Variants in MUC6 observed in about 807,000 individuals in gnomAD.
The protein encoded by MUC6 is mucin-6.
MUC6 carries 188 observed loss-of-function variants against 201.5 expected under a neutral mutation model. The ratio of observed to expected loss-of-function variants is 0.93; its 90% CI spans 0.83 to 1.05. The LOEUF is 1.05. Among genes scored for constraint, MUC6 ranks in the 50% least tolerant of loss-of-function variants. The pLI is 0.00. For synonymous variants in MUC6, 1,228 were observed against 1,389.4 expected (o/e 0.88, Z 2.58); for missense variants, 2,706 against 3,256.9 (o/e 0.83, Z 4.12).
Position 1,015,669 on chromosome 11 carries a change from C to T in MUC6, c.7039+93G>A, listed in dbSNP as rs1239854102. ...GAACAGGCGTGTGGTCCTGGGATCACAGGACCATGAGGGGTAAGCTGAGGC... is the reference window on the plus strand; with the variant it reads ...GAACAGGCGTGTGGTCCTGGGATCATAGGACCATGAGGGGTAAGCTGAGGC... On this transcript the variant is annotated intron_variant, in intron 31 of 32. Transcript: ENST00000421673. The T allele has an allele frequency of 9.5e-6, 14 of 1,475,852 alleles. No homozygotes were observed. In the East Asian group the frequency reaches 3.3e-4, roughly 35 times the overall value. The allele number at this position is 1,475,852 out of a possible 1,614,324, so 91.4% of individuals were successfully genotyped here.
Position 1,027,522 on chromosome 11 carries a change from G to A in MUC6, c.1982-5C>T, listed in dbSNP as rs1856992699. The A allele has an allele frequency of 6.2e-7, 1 of 1,611,866 alleles. No individual in the cohort carries two copies. The highest frequency in any genetic ancestry group is 8.5e-7 in the Non-Finnish European group (1 of 1,179,424). On this transcript the variant is annotated splice_region_variant and splice_polypyrimidine_tract_variant and intron_variant, in intron 16 of 32. Transcript: ENST00000421673. ...TGTTACCCGTGCAGGGGATGGCTGT[G>A]GGGGACCCGGGCATCAGACTCTCCG...
At position 1,027,349 on chromosome 11, in the gene MUC6, C is replaced by G; in HGVS notation, c.2150G>C (p.Arg717Pro). Residue 717 changes from arginine (R) to proline (P), a missense_variant, in exon 17 of 33, where the codon CGC (arginine) becomes CCC (proline). By Grantham distance (103) the Arg-to-Pro change is moderately radical (BLOSUM62 -2). Coordinates refer to ENST00000421673, the MANE Select transcript of MUC6 (RefSeq NM_005961.3). ...CAGTATGCACGGGCACTGGGCCTTG[C>G]GCACACACTCGCCCTTTTGGTTCAG... ...TYLNQKGECV[R>P]KAQCPCILEG... 6.2e-7 allele frequency: 1 copy of G among 1,612,972 alleles called. No homozygotes were observed. Among genetic ancestry groups the G allele is most frequent in the South Asian group, 1.1e-5 (1 of 91,080 alleles).
rs928529722 is a variant in MUC6 at position 1,030,262 on chromosome 11, C to T, written c.966G>A (p.Pro322=). Residue 322 remains proline, a synonymous_variant, in exon 8 of 33, where the codon CCG becomes CCA. Transcript: ENST00000421673. ...GSACVKTCSN[P]QHSCSSSCTF... The stretch of plus-strand genomic sequence containing the variant: ...TGCAGGAGCTGGAGCAGCTGTGCTG[C>T]GGGTTGGAGCAGGTCTTCACGCAGG... The T allele has an allele frequency of 9.0e-6, 14 of 1,550,162 alleles. No homozygotes were observed. Among genetic ancestry groups the T allele is most frequent in the Middle Eastern group, 1.8e-4 (1 of 5,712 alleles).
In MUC6 at chr11:1,013,501, C is replaced by T. The variant is rs780898221; in HGVS notation, c.7275G>A (p.Gln2425=). Reference sequence around the variant, plus strand: ...AGCTGCACACGCAGTGGCTGAACACCTGCAGGGTGAGTACGAGCCGCCGGC... The same window carrying T: ...AGCTGCACACGCAGTGGCTGAACACTTGCAGGGTGAGTACGAGCCGCCGGC... ...TPGRRLVLTL[Q]VFSHCVCSSV... The change falls in exon 33 of 33, where the codon CAG becomes CAA. Residue 2425 remains glutamine, a synonymous_variant. Transcript: ENST00000421673. The T allele has an allele frequency of 1.9e-6, 3 of 1,583,966 alleles. No individual in the cohort carries two copies. Among genetic ancestry groups the T allele is most frequent in the South Asian group, 2.3e-5 (2 of 86,598 alleles).
chr11:1,024,857 G>T lies in MUC6; in HGVS notation c.3212C>A (p.Thr1071Asn), dbSNP rs1039028656. Residue 1071 changes from threonine (T) to asparagine (N), a missense_variant, in exon 24 of 33, where the codon ACC (threonine) becomes AAC (asparagine). Coordinates refer to ENST00000421673, the MANE Select transcript of MUC6 (RefSeq NM_005961.3). ...CSVINSQTFA[T>N]CHSKVYHLPY... ...CCCGGTGCCCACCTTGCTGTGGCAG[G>T]TGGCAAAGGTCTGGCTGTTGATGAC... 6.8e-6 allele frequency: 11 copies of T among 1,609,290 alleles called. No homozygotes were observed. In the African/African-American group the frequency reaches 9.3e-5, roughly 14 times the overall value.
At chr11:1,018,832 G>C (rs1423340761) in intron 30 of MUC6, 62 bp from the exon 31 acceptor site, 2 of 1,514,070 alleles carry the variant, frequency 1.3e-6, no homozygotes, top group East Asian at 4.5e-5. Flanking sequence ...GACCTCCGCT[G>C]GCCCGTCCTT....
At position 1,016,538 on chromosome 11, in the gene MUC6, A is replaced by T; in HGVS notation, c.6263T>A (p.Ile2088Lys). ...CTGAGGCAGCCAAGACGAGGAGGAT[A>T]TGAAGGAAGAAGAGGCTGTAGCTGT... is the stretch of plus-strand genomic sequence containing the variant. ...FSTATASSSF[I>K]SSSSWLPQNS... The change falls in exon 31 of 33, where the codon ATA (isoleucine) becomes AAA (lysine). Residue 2088 changes from isoleucine (I) to lysine (K), a missense_variant. Coordinates refer to ENST00000421673, the MANE Select transcript of MUC6 (RefSeq NM_005961.3). 1 of 1,278,452 alleles carries T rather than the reference A, an allele frequency of 7.8e-7. No homozygotes were observed. The highest frequency in any genetic ancestry group is 1.0e-6 in the Non-Finnish European group (1 of 997,974). The allele number at this position is 1,278,452 out of a possible 1,614,324, so 79.2% of individuals were successfully genotyped here.
chr11:1,015,472 G>A (rs1255728639), intron 31 of MUC6, among the ~76,000 whole-genome samples: 1 of 152,192 alleles, frequency 6.6e-6, no homozygotes, highest in Non-Finnish European at 1.5e-5. Flanking sequence ...GGGAGGCCAG[G>A]AGTGCAGCAG....
intron 2 of MUC6, 98 bp from the exon 3 acceptor site, chr11:1,032,151 G>A: frequency 6.7e-7 from 1 of 1,491,744 alleles, no homozygotes; most frequent in South Asian, 1.3e-5. Flanking sequence ...CCTGGGCCAG[G>A]GTTTTTGAGT....
At position 1,024,120 on chromosome 11, in the gene MUC6, C is replaced by T. The variant is rs1285548827; in HGVS notation, c.3226-17G>A. 1.2e-6 allele frequency: 2 copies of T among 1,607,120 alleles called. No homozygotes were observed. The highest frequency in any genetic ancestry group is 2.7e-5 in the African/African-American group (2 of 74,960). On this transcript the variant is annotated splice_polypyrimidine_tract_variant and intron_variant, in intron 24 of 32. Transcript: ENST00000421673. Reference sequence around the variant, plus strand: ...GTGGTATACCTGCAGGGGTGTGTGCCAGTCAGTGTCTGGCTGCCGGGGGAT... The same window carrying T: ...GTGGTATACCTGCAGGGGTGTGTGCTAGTCAGTGTCTGGCTGCCGGGGGAT...
rs1411362004 is a variant in MUC6 at position 1,023,949 on chromosome 11, C to T, written c.3380G>A (p.Cys1127Tyr). Reference protein sequence around the residue: ...VCVDWRTPAFCPIYCGFYNTH... With the variant: ...VCVDWRTPAFYPIYCGFYNTH... ...CTGTGGGAGGGGTGGTCACTCACGG[C>T]AGAAGGCCGGGGTCCTCCAGTCCAC... is the stretch of plus-strand genomic sequence containing the variant. The change falls in exon 25 of 33, where the codon TGC (cysteine) becomes TAC (tyrosine). Residue 1127 changes from cysteine to tyrosine, a missense_variant and splice_region_variant. By Grantham distance (194) the Cys-to-Tyr change is radical. Transcript: ENST00000421673. 1.9e-6 allele frequency: 3 copies of T among 1,612,054 alleles called. No individual in the cohort carries two copies. The highest frequency in any genetic ancestry group is 1.3e-5 in the African/African-American group (1 of 75,026).
In MUC6 at chr11:1,027,951, C is replaced by T. The variant is rs1471534387; in HGVS notation, c.1848+14G>A. On this transcript the variant is annotated intron_variant, in intron 15 of 32. Coordinates refer to ENST00000421673, the MANE Select transcript of MUC6 (RefSeq NM_005961.3). Reference sequence around the variant, plus strand: ...CTCCCCTGCAGCCCTCCCAAGACGCCCTCGGGCCCTCACCTTGTAGAAGGG... The same window carrying T: ...CTCCCCTGCAGCCCTCCCAAGACGCTCTCGGGCCCTCACCTTGTAGAAGGG... The T allele has an allele frequency of 3.8e-6, 6 of 1,565,932 alleles. No homozygotes were observed. The Admixed American group carries it at 9.4e-5, about 25-fold the overall frequency.
intron 26 of MUC6, 142 bp downstream of exon 26, chr11:1,023,367 A>T: frequency 9.2e-7 from 1 of 1,081,324 alleles, no homozygotes; most frequent in Non-Finnish European, 1.3e-6. Context: ...TGTGTGAATG[A>T]ATGTGTGCAA....
chr11:1,036,547 G>T (rs931263249), intron 1 of MUC6, 57 bp downstream of exon 1: 2 of 1,534,672 alleles, frequency 1.3e-6, no homozygotes, highest in African/African-American at 2.8e-5. Flanking sequence ...AGAGACCCCC[G>T]CACACAGGGC....
rs1857054114 is a variant in MUC6 at position 1,029,615 on chromosome 11, C to T, written c.1016G>A (p.Gly339Asp). 2 of 1,576,104 alleles carry T rather than the reference C, an allele frequency of 1.3e-6. No individual in the cohort carries two copies. The highest frequency in any genetic ancestry group is 1.7e-6 in the Non-Finnish European group (2 of 1,157,202). Residue 339 changes from glycine (G) to aspartate (D), a missense_variant and splice_region_variant, in exon 9 of 33, where the codon GGT becomes GAT. Physicochemically the swap from Gly to Asp is moderately conservative, Grantham distance 94 (BLOSUM62 -1). Coordinates refer to ENST00000421673, the MANE Select transcript of MUC6 (RefSeq NM_005961.3). ...SCTFGCFCPE[G>D]TVLNDLSNNH... Reference sequence around the variant, plus strand: ...ATTGGAGAGGTCATTCAGGACCGTACCTGCAGGAGAGGGTCTTCTTGGGGC... The same window carrying T: ...ATTGGAGAGGTCATTCAGGACCGTATCTGCAGGAGAGGGTCTTCTTGGGGC...
At chr11:1,028,617 C>G (rs1857023543) in intron 13 of MUC6, 29 bp downstream of exon 13, 6 of 1,600,220 alleles carry the variant, frequency 3.7e-6, no homozygotes, top group Non-Finnish European at 5.1e-6. Context: ...GATGAGGCAA[C>G]AGGGCCACCT....
At position 1,013,898 on chromosome 11, in the gene MUC6, C is replaced by T. The variant is rs1377683658; in HGVS notation, c.7142+1G>A. On this transcript the variant is annotated splice_donor_variant, in intron 32 of 32. Coordinates refer to ENST00000421673, the MANE Select transcript of MUC6 (RefSeq NM_005961.3). LOFTEE classifies it high-confidence loss of function. ...GGCAGGCCTCCCACCTGTGGACTCA[C>T]CTGGCAGCGGAAATGCAGGCGCCCT... 6.2e-7 allele frequency: 1 copy of T among 1,602,240 alleles called. No homozygotes were observed. The highest frequency in any genetic ancestry group is 1.7e-5 in the Admixed American group (1 of 58,756).
intron 30 of MUC6, 128 bp downstream of exon 30, chr11:1,019,147 T>C (rs1157187837): frequency 7.1e-6 from 8 of 1,125,420 alleles, no homozygotes; most frequent in Non-Finnish European, 1.0e-5. Context: ...GCCTACACTT[T>C]TGGGCTGCCT....
chr11:1,028,110 C>T (rs892633900), intron 14 of MUC6, 51 bp from the exon 15 acceptor site: 76 of 1,544,328 alleles, frequency 4.9e-5, no homozygotes, highest in African/African-American at 5.5e-5. Context: ...ATTCCAGCTA[C>T]GGCTCCTCCC....
Sources: gnomAD v4.1 joint callset for allele counts (sites outside exome capture counted in the v4.1 genomes callset) on GRCh38, gnomAD v4.1.1 for gene constraint, MANE v1.5 for transcripts, NCBI Gene and HGNC (gene_info 2026-07-23, HGNC 2026-07-21) for gene names.